Variants in NOD2 observed in about 807,000 individuals in gnomAD.
NOD2 encodes the protein nucleotide binding oligomerization domain containing 2.
Under a neutral mutation model 90.9 loss-of-function variants are expected in NOD2, and 86 were observed. The observed-to-expected ratio is 0.95, with a 90% confidence interval of 0.79 to 1.13. The LOEUF (loss-of-function observed/expected upper bound fraction) is 1.13, where lower values mean the gene tolerates loss of function less well. Among genes scored for constraint, NOD2 ranks in the 50% most tolerant of loss-of-function variants. NOD2 has a pLI of 0.00. For missense variants in NOD2, 1,238 were observed against 1,283.8 expected (o/e 0.96, Z 0.55); for synonymous variants, 581 against 554.6 (o/e 1.05, Z -0.67).
chr16:50,730,108 T>G (rs1033190619), intron 11 of NOD2, among the ~76,000 whole-genome samples: 1 of 152,230 alleles, frequency 6.6e-6, no homozygotes, highest in Non-Finnish European at 1.5e-5. Flanking sequence ...ATGATTTCAT[T>G]TTTAAACCTT....
chr16:50,716,341 C>T (rs1964791310), intron 4 of NOD2, among the ~76,000 whole-genome samples: 1 of 152,078 alleles, frequency 6.6e-6, no homozygotes. Flanking sequence ...CTAAGGATTC[C>T]AGGGTTCTTT....
chr16:50,712,913 G>A (rs1310022253), intron 4 of NOD2: 1 of 169,476 alleles, frequency 5.9e-6, no homozygotes, highest in East Asian at 1.5e-4. Flanking sequence ...CCAACCAGAT[G>A]GGAATTTCAG....
chr16:50,707,245 C>T (rs150323147), intron 2 of NOD2, among the ~76,000 whole-genome samples: 18 of 152,248 alleles, frequency 1.2e-4, no homozygotes, highest in South Asian at 4.1e-4. Flanking sequence ...AGATTACAGA[C>T]GAGAGGCTTC....
chr16:50,723,523 C>A, intron 9 of NOD2, 139 bp downstream of exon 9: 1 of 773,838 alleles, frequency 1.3e-6, no homozygotes, highest in Non-Finnish European at 2.2e-6. Flanking sequence ...TTGTGTTTGT[C>A]TTTATATGTA....
chr16:50,699,634 T>C lies in NOD2; in HGVS notation c.139T>C (p.Phe47Leu), dbSNP rs1290064937. 3 of 1,613,966 alleles carry C rather than the reference T, an allele frequency of 1.9e-6. No homozygotes were observed. The highest frequency in any genetic ancestry group is 2.5e-6 in the Non-Finnish European group (3 of 1,180,030). Residue 47 changes from phenylalanine to leucine, a missense_variant, in exon 2 of 12, where the codon TTC becomes CTC. By Grantham distance (22) the Phe-to-Leu change is conservative. Coordinates refer to ENST00000647318, the MANE Select transcript of NOD2 (RefSeq NM_001370466.1). ...CCTCTCCTGGGAGGACTACGAGGGC[T>C]TCCACCTCCTGGGCCAGCCTCTCTC... ...EVLSWEDYEG[F>L]HLLGQPLSHL...
intron 6 of NOD2, among the ~76,000 whole-genome samples, chr16:50,718,527 A>G (rs889799359): frequency 5.9e-5 from 9 of 152,274 alleles, no homozygotes; most frequent in African/African-American, 1.9e-4. Context: ...CTGAAACCAT[A>G]GAAGGCGAAG....
chr16:50,698,909 A>ATC (rs950494372), intron 1 of NOD2, among the ~76,000 whole-genome samples: 75 of 147,710 alleles, frequency 5.1e-4, no homozygotes, highest in Non-Finnish European at 8.4e-4. Context: ...TGTTTGGAAG[A>ATC]TCTCTCTCTC....
rs1410931849 is a variant in NOD2 at position 50,711,294 on chromosome 16, T to G, written c.1302T>G (p.His434Gln). 1.9e-6 allele frequency: 3 copies of G among 1,613,726 alleles called. No homozygotes were observed. The highest frequency in any genetic ancestry group is 1.1e-5 in the South Asian group (1 of 91,086). ...AGCTGTACCTGAGGAAGCGCCATCA[T>G]GAGCCCGGGGTGGCGGACCGCCTCA... ...GIELYLRKRH[H>Q]EPGVADRLIR... is the part of the protein sequence containing the mutation. The change falls in exon 4 of 12, where the codon CAT becomes CAG. Residue 434 changes from histidine (H) to glutamine (Q), a missense_variant. Physicochemically the swap from His to Gln is conservative, Grantham distance 24 (BLOSUM62 0). Around this residue, in one of 3 missense-constraint regions of NOD2, gnomAD observed 567 missense variants for 577.3 expected, o/e 0.98. Transcript: ENST00000647318.
intron 8 of NOD2, 121 bp from the exon 9 acceptor site, chr16:50,723,180 A>G (rs2052205027): frequency 2.7e-6 from 2 of 744,702 alleles, no homozygotes; most frequent in Non-Finnish European, 2.4e-6. Context: ...ACCGCAATCA[A>G]TTAGTGATGT....
intron 7 of NOD2, among the ~76,000 whole-genome samples, chr16:50,721,412 G>GT (rs553522161): frequency 3.6e-4 from 51 of 143,042 alleles, no homozygotes; most frequent in South Asian, 3.5e-3. Flanking sequence ...TTTTGTTGTT[G>GT]TTTTTTTTTG....
In NOD2 at chr16:50,711,422, G is replaced by A. The variant is rs775823953; in HGVS notation, c.1430G>A (p.Gly477Glu). 3 of 1,613,426 alleles carry A rather than the reference G, an allele frequency of 1.9e-6. No individual in the cohort carries two copies. Among genetic ancestry groups the A allele is most frequent in the Non-Finnish European group, 2.5e-6 (3 of 1,180,040 alleles). ...CACCAGGAACTGTTGCTGCAGGAGG[G>A]GGGGTCCCCAAAGACCACTACAGAT... ...KCHQELLLQE[G>E]GSPKTTTDMY... is the part of the protein sequence containing the mutation. The change falls in exon 4 of 12, where the codon GGG (glycine) becomes GAG (glutamate). Residue 477 changes from glycine to glutamate, a missense_variant. By Grantham distance (98) the Gly-to-Glu change is moderately conservative. Coordinates refer to ENST00000647318, the MANE Select transcript of NOD2 (RefSeq NM_001370466.1).
intron 6 of NOD2, 45 bp downstream of exon 6, chr16:50,717,019 C>G (rs777214535): frequency 4.5e-6 from 7 of 1,567,766 alleles, no homozygotes; most frequent in Admixed American, 1.7e-5. Flanking sequence ...TTTTTTGCCC[C>G]ATTCCTGAGT....
chr16:50,716,753 A>C, intron 5 of NOD2, 83 bp downstream of exon 5: 2 of 1,512,198 alleles, frequency 1.3e-6, no homozygotes, highest in Non-Finnish European at 1.8e-6. Flanking sequence ...GCTGTGAGTG[A>C]TGGGCTGGGG....
intron 6 of NOD2, among the ~76,000 whole-genome samples, chr16:50,718,149 A>G (rs533400327): frequency 6.6e-6 from 1 of 152,284 alleles, no homozygotes; most frequent in African/African-American, 2.4e-5. Flanking sequence ...TCTTGGGAAG[A>G]TGTGTGGTGG....
intron 8 of NOD2, 151 bp from the exon 9 acceptor site, chr16:50,723,150 A>C: frequency 4.7e-6 from 3 of 638,096 alleles, no homozygotes; most frequent in Non-Finnish European, 8.2e-6. Context: ...AAAAAAAAAA[A>C]AAAAGAAAAA....
Position 50,711,426 on chromosome 16 carries a change from G to T in NOD2, c.1434G>T (p.Gly478=), listed in dbSNP as rs769034739. The T allele has an allele frequency of 3.1e-6, 5 of 1,613,528 alleles. No homozygotes were observed. The highest frequency in any genetic ancestry group is 1.1e-5 in the South Asian group (1 of 91,086). Reference sequence around the variant, plus strand: ...AGGAACTGTTGCTGCAGGAGGGGGGGTCCCCAAAGACCACTACAGATATGT... The same window carrying T: ...AGGAACTGTTGCTGCAGGAGGGGGGTTCCCCAAAGACCACTACAGATATGT... ...CHQELLLQEG[G]SPKTTTDMYL... is the part of the protein sequence containing the mutation. The change falls in exon 4 of 12, where the codon GGG becomes GGT. Residue 478 remains glycine, a synonymous_variant. Transcript: ENST00000647318.
chr16:50,710,839 C>T lies in NOD2; in HGVS notation c.847C>T (p.Gln283Ter), dbSNP rs760588667. Residue 283 changes from glutamine to a stop codon, truncating the protein, a stop_gained, in exon 4 of 12, where the codon CAG (glutamine) becomes TAG (stop). Transcript: ENST00000647318. LOFTEE classifies it high-confidence loss of function. ...GGGCAGTGGCAAGAGCACGCTCCTG[C>T]AGCGGCTGCACTTGCTGTGGGCTGC... Reference protein sequence around the residue: ...EAGSGKSTLLQRLHLLWAAGQ... With the variant: ...EAGSGKSTLL 4.3e-6 allele frequency: 7 copies of T among 1,614,104 alleles called. No homozygotes were observed. In the Admixed American group the frequency reaches 8.3e-5, roughly 19 times the overall value.
chr16:50,717,034 C>A, intron 6 of NOD2, 60 bp downstream of exon 6: 2 of 1,461,224 alleles, frequency 1.4e-6, no homozygotes, highest in Non-Finnish European at 1.9e-6. Flanking sequence ...CTGAGTCAGT[C>A]TGATCTGGTC....
At position 50,711,574 on chromosome 16, in the gene NOD2, C is replaced by T; in HGVS notation, c.1582C>T (p.Leu528=). ...PTLLHLGRLA[L]WGLGMCCYVF... ...CCTCCTGCACCTGGGCAGACTGGCT[C>T]TGTGGGGCCTGGGCATGTGCTGCTA... The change falls in exon 4 of 12, where the codon CTG becomes TTG. Residue 528 remains leucine, a synonymous_variant. Transcript: ENST00000647318. 6.2e-7 allele frequency: 1 copy of T among 1,612,006 alleles called. No homozygotes were observed.
Sources: allele counts gnomAD v4.1 joint callset (sites outside exome capture counted in the v4.1 genomes callset), GRCh38; gene constraint gnomAD v4.1.1; regional missense constraint gnomAD v4.1.1; transcripts MANE v1.5; gene names NCBI Gene and HGNC (gene_info 2026-07-23, HGNC 2026-07-21).